Variants in CLPB observed in about 807,000 individuals in gnomAD.
The protein encoded by CLPB is mitochondrial disaggregase.
A neutral mutation model predicts 78.4 loss-of-function variants in CLPB; 40 were observed. That is an observed-to-expected ratio of 0.51 (90% CI 0.40 to 0.66). The LOEUF (loss-of-function observed/expected upper bound fraction) is 0.66. Among genes scored for constraint, CLPB ranks in the 30% least tolerant of loss-of-function variants. The probability of loss-of-function intolerance (pLI) is 0.00; values close to 1 mark genes in which losing one functional copy is unlikely to be tolerated. For missense variants in CLPB, 780 were observed against 886.9 expected, an observed-to-expected ratio of 0.88 and a Z score of 1.53; for synonymous variants, 333 against 348.0, an observed-to-expected ratio of 0.96 and a Z score of 0.48.
At chr11:72,385,182 T>C (rs1036908317) in intron 3 of CLPB, among the ~76,000 whole-genome samples, 1 of 152,212 alleles carries the variant, frequency 6.6e-6, no homozygotes, top group Non-Finnish European at 1.5e-5. Context: ...TGTTTATAGA[T>C]TGGCAAGTTT....
intron 6 of CLPB, among the ~76,000 whole-genome samples, chr11:72,319,168 T>C (rs906348770): frequency 2.6e-5 from 4 of 152,188 alleles, no homozygotes; most frequent in African/African-American, 9.6e-5. Context: ...CAACCTCCAA[T>C]GTGGTACTGT....
intron 9 of CLPB, among the ~76,000 whole-genome samples, chr11:72,306,333 A>T (rs766029350): frequency 2.0e-5 from 3 of 152,222 alleles, no homozygotes; most frequent in Non-Finnish European, 4.4e-5. Flanking sequence ...CTTGGCTGGC[A>T]GAGGCCCAAG....
intron 2 of CLPB, among the ~76,000 whole-genome samples, chr11:72,414,144 T>G (rs1359163897): frequency 3.3e-5 from 5 of 152,096 alleles, no homozygotes; most frequent in Non-Finnish European, 7.4e-5. Context: ...CCCCAGGCAG[T>G]GTGTGCCAAG....
rs563442804 is a variant in CLPB, at chr11:72,291,245, C to T, written c.*2122G>A. ...CCCTGGACCAGACAAAGGACATCAT[C>T]GGGAAAACTGGCAAAATTTGAATGT... On this transcript the variant is annotated 3_prime_UTR_variant, in exon 16 of 16. Transcript: ENST00000538039. 2.6e-5 allele frequency: 4 copies of T among 152,296 alleles called. No homozygotes were observed. Among genetic ancestry groups the T allele is most frequent in the South Asian group, 2.1e-4 (1 of 4,828 alleles). The allele number at this position is 152,296 out of a possible 1,614,324, so 9.4% of individuals were successfully genotyped here.
chr11:72,342,395 C>G (rs774665931), intron 5 of CLPB, among the ~76,000 whole-genome samples: 1 of 152,090 alleles, frequency 6.6e-6, no homozygotes, highest in Non-Finnish European at 1.5e-5. Flanking sequence ...GGTTTTCTAA[C>G]GGTGGATAAT....
At chr11:72,362,657 A>G (rs1950861790) in intron 4 of CLPB, among the ~76,000 whole-genome samples, 1 of 152,180 alleles carries the variant, frequency 6.6e-6, no homozygotes, top group African/African-American at 2.4e-5. Flanking sequence ...TGGAGGTAAT[A>G]ACAGTAACGC....
In CLPB at chr11:72,301,977, A is replaced by G; in HGVS notation, c.1168-13T>C. 1 of 1,613,026 alleles carries G rather than the reference A, an allele frequency of 6.2e-7. No homozygotes were observed. The highest frequency in any genetic ancestry group is 8.5e-7 in the Non-Finnish European group (1 of 1,179,422). ...TAAACTTGGCCACCTGGTAGAAGGAAGGAAACATGCTAGGAAGGCCTTTCT... is the reference window on the plus strand; with the variant it reads ...TAAACTTGGCCACCTGGTAGAAGGAGGGAAACATGCTAGGAAGGCCTTTCT... On this transcript the variant is annotated splice_polypyrimidine_tract_variant and intron_variant, in intron 10 of 15. Transcript: ENST00000538039.
intron 5 of CLPB, among the ~76,000 whole-genome samples, chr11:72,332,457 C>A (rs1271573907): frequency 6.6e-6 from 1 of 151,946 alleles, no homozygotes; most frequent in African/African-American, 2.4e-5. Context: ...CCACTGCACT[C>A]CAGTCTGGGC....
intron 11 of CLPB, among the ~76,000 whole-genome samples, chr11:72,297,700 T>TGTGTGTGTGTGTGA (rs1294715631): frequency 1.2e-4 from 15 of 122,022 alleles, no homozygotes; most frequent in Non-Finnish European, 2.2e-4. Flanking sequence ...TGTGTGTGTG[T>TGTGTGTGTGTGTGA]GTGACATGTC....
intron 11 of CLPB, 32 bp downstream of exon 11, chr11:72,301,771 C>A: frequency 3.7e-6 from 6 of 1,604,802 alleles, no homozygotes; most frequent in Non-Finnish European, 5.1e-6. Flanking sequence ...TCCAGGTGTC[C>A]CCCCGCTCCA....
At chr11:72,294,986 A>C (rs1949524696) in intron 12 of CLPB, among the ~76,000 whole-genome samples, 2 of 152,140 alleles carry the variant, frequency 1.3e-5, no homozygotes, top group African/African-American at 4.8e-5. Flanking sequence ...GACTTGGAGG[A>C]AGGGGGCTGC....
chr11:72,408,585 T>C (rs975774565), intron 2 of CLPB, among the ~76,000 whole-genome samples: 1 of 148,896 alleles, frequency 6.7e-6, no homozygotes, highest in Non-Finnish European at 1.5e-5. Context: ...GAGAATCACT[T>C]GAACCCAGGA....
chr11:72,305,835 T>C (rs1949737154), intron 9 of CLPB, among the ~76,000 whole-genome samples: 1 of 152,240 alleles, frequency 6.6e-6, no homozygotes, highest in African/African-American at 2.4e-5. Context: ...CTTCTACTTC[T>C]ACTGTGTATG....
chr11:72,400,160 G>C (rs1195728325), intron 3 of CLPB, among the ~76,000 whole-genome samples: 1 of 152,116 alleles, frequency 6.6e-6, no homozygotes, highest in East Asian at 1.9e-4. Context: ...ATGTGGGCAG[G>C]GATCTTTGTT....
chr11:72,363,725 C>T (rs142543497), intron 4 of CLPB, among the ~76,000 whole-genome samples: 21 of 152,286 alleles, frequency 1.4e-4, no homozygotes, highest in East Asian at 7.7e-4. Flanking sequence ...CAATGCTGGT[C>T]GGTGGTAGGC....
chr11:72,411,611 TC>T (rs1350944746), intron 2 of CLPB: 1 of 152,048 alleles, frequency 6.6e-6, no homozygotes, highest in Non-Finnish European at 1.5e-5. Context: ...AAAAGACAAC[TC>T]CCCAGGCTCT....
At chr11:72,352,382 G>C (rs1008210474) in intron 5 of CLPB, 3 of 152,144 alleles carry the variant, frequency 2.0e-5, no homozygotes, top group African/African-American at 7.2e-5. Context: ...TTACATTAGT[G>C]ACCTTCAATA....
At chr11:72,424,749 G>A (rs973428199) in intron 2 of CLPB, among the ~76,000 whole-genome samples, 2 of 152,174 alleles carry the variant, frequency 1.3e-5, no homozygotes, top group East Asian at 1.9e-4. Context: ...AGCCGGGCGC[G>A]TTGGCGGGCA....
chr11:72,352,059 T>G (rs1226687102), intron 5 of CLPB, among the ~76,000 whole-genome samples: 2 of 152,146 alleles, frequency 1.3e-5, no homozygotes, highest in African/African-American at 4.8e-5. Context: ...ACTCTCGAGG[T>G]TAAGCACTAC....
Sources: gnomAD v4.1 joint callset for allele counts (sites outside exome capture counted in the v4.1 genomes callset) on GRCh38, gnomAD v4.1.1 for gene constraint, MANE v1.5 for transcripts, NCBI Gene and HGNC (gene_info 2026-07-23, HGNC 2026-07-21) for gene names.